The following ARSG variants were observed in gnomAD, a reference collection of about 807,000 sequenced individuals.
The protein encoded by ARSG is arylsulfatase G, also known as ASG.
A neutral mutation model predicts 50.5 loss-of-function variants in ARSG; 37 were observed. That is an observed-to-expected ratio of 0.73 (90% CI 0.56 to 0.96). The LOEUF is 0.96. Among genes scored for constraint, ARSG ranks in the 50% least tolerant of loss-of-function variants. The pLI, the probability that ARSG is intolerant of heterozygous loss-of-function variation, is 0.00. For synonymous variants in ARSG, 225 were observed against 254.6 expected (o/e 0.88, Z 1.11); for missense variants, 629 against 675.3 (o/e 0.93, Z 0.76).
At chr17:68,435,720 T>C in the ARSG span, 1 of 1,614,002 alleles carries the variant, frequency 6.2e-7, no homozygotes, top group Non-Finnish European at 8.5e-7. Context: ...TTTCTGTTGG[T>C]GAAAAGGAAA....
chr17:68,374,850 G>GAA (rs11406219), intron 8 of ARSG, among the ~76,000 whole-genome samples: 51 of 121,392 alleles, frequency 4.2e-4, no homozygotes, highest in Admixed American at 6.6e-4. Context: ...GTGAGACTCA[G>GAA]AAAAAAAAAA....
At chr17:68,286,615 C>G (rs553001457), upstream of ARSG, among the ~76,000 whole-genome samples, 2 of 152,182 alleles carry the variant, frequency 1.3e-5, no homozygotes, top group South Asian at 4.2e-4. Context: ...AGCGATTCTT[C>G]TGCCTCAGCC....
At chr17:68,426,251 G>GGGGGGGGGGGGGGA, downstream of ARSG, 2 of 825,460 alleles carry the variant, frequency 2.4e-6, no homozygotes, top group Non-Finnish European at 3.8e-6. Context: ...GTGGGGAGCG[G>GGGGGGGGGGGGGGA]GGGCTCAAAT....
intron 9 of ARSG, among the ~76,000 whole-genome samples, chr17:68,393,881 A>AAAAAAAT (rs1244325058): frequency 1.3e-5 from 2 of 150,898 alleles, no homozygotes; most frequent in African/African-American, 4.9e-5. Flanking sequence ...AAAAAAAAAA[A>AAAAAAAT]GGGAAAGAAA....
At chr17:68,365,454 T>C (rs2079502218) in intron 6 of ARSG, among the ~76,000 whole-genome samples, 1 of 152,212 alleles carries the variant, frequency 6.6e-6, no homozygotes, top group African/African-American at 2.4e-5. Context: ...TACACAGTCA[T>C]GAAATAACAA....
At chr17:68,339,261 G>A (rs968752207) in intron 2 of ARSG, among the ~76,000 whole-genome samples, 8 of 152,152 alleles carry the variant, frequency 5.3e-5, no homozygotes, top group African/African-American at 1.9e-4. Flanking sequence ...TCGCACCACT[G>A]CACTCCAGCC....
intron 1 of ARSG, among the ~76,000 whole-genome samples, chr17:68,305,288 C>T (rs1429683034): frequency 1.3e-5 from 2 of 152,182 alleles, no homozygotes; most frequent in Non-Finnish European, 2.9e-5. Flanking sequence ...TCTGATTTGT[C>T]GTTTTTATTT....
the ARSG span, among the ~76,000 whole-genome samples, chr17:68,430,559 T>G: frequency 1.3e-5 from 2 of 152,140 alleles, no homozygotes; most frequent in African/African-American, 4.8e-5. Context: ...CAGACAGATC[T>G]CAACGTGAAG....
At chr17:68,353,575 G>A (rs1309605405) in intron 5 of ARSG, among the ~76,000 whole-genome samples, 2 of 152,204 alleles carry the variant, frequency 1.3e-5, no homozygotes, top group Non-Finnish European at 2.9e-5. Flanking sequence ...CATGAAAAGC[G>A]AGGCTATAGA....
intron 6 of ARSG, among the ~76,000 whole-genome samples, chr17:68,362,186 C>G (rs967680097): frequency 3.9e-5 from 6 of 152,190 alleles, no homozygotes; most frequent in East Asian, 1.9e-4. Context: ...GTCTTCATTG[C>G]TGGCCCCCAT....
chr17:68,422,854 G>T (rs1346010380), downstream of ARSG: 2 of 150,888 alleles, frequency 1.3e-5, no homozygotes, highest in Non-Finnish European at 2.9e-5. Context: ...AGGTTGGCTT[G>T]TTCCTGAAAC....
In ARSG at chr17:68,378,415, A is replaced by G. The variant is rs537076333; in HGVS notation, c.983-6649A>G. ...CTTTCCTGGCCGAGCCGCCCAGCTC[A>G]GCTGATGGGATGAGGCAGCGTCTCC... On this transcript the variant is annotated intron_variant, in intron 8 of 11. Transcript: ENST00000621439. The surrounding 1 kb of genome is among the most constrained non-coding windows in gnomAD (Gnocchi z 4.4). Among the ~76,000 whole-genome samples the G allele has an allele frequency of 6.6e-6, 1 of 152,280 alleles. No homozygotes were observed. Among genetic ancestry groups the G allele is most frequent in the South Asian group, 2.1e-4 (1 of 4,824 alleles).
intron 6 of ARSG, among the ~76,000 whole-genome samples, chr17:68,359,991 G>A (rs1378880837): frequency 6.6e-6 from 1 of 152,220 alleles, no homozygotes; most frequent in Middle Eastern, 3.2e-3. Context: ...TTCAAGGCTA[G>A]TGGGGACAGT....
intron 9 of ARSG, among the ~76,000 whole-genome samples, chr17:68,388,575 A>G (rs116019015): frequency 1.3e-4 from 20 of 152,104 alleles, no homozygotes; most frequent in Admixed American, 5.9e-4. Context: ...TCAGAGATGA[A>G]CTGGGGCAAT....
At chr17:68,292,179 C>T (rs2076030934) in intron 1 of ARSG, among the ~76,000 whole-genome samples, 1 of 152,048 alleles carries the variant, frequency 6.6e-6, no homozygotes, top group Non-Finnish European at 1.5e-5. Context: ...ATCCGCGTTG[C>T]GCGAAAGGAA....
chr17:68,385,040 C>A, intron 8 of ARSG, 24 bp from the exon 9 acceptor site: 2 of 1,597,648 alleles, frequency 1.3e-6, no homozygotes, highest in Non-Finnish European at 1.7e-6. Flanking sequence ...ATGGATGAAC[C>A]AGCTGCCTCC....
At position 68,367,039 on chromosome 17, in the gene ARSG, G is replaced by A. The variant is rs1837977257; in HGVS notation, c.705-1509G>A. Among the ~76,000 whole-genome samples the A allele has an allele frequency of 2.6e-5, 4 of 152,110 alleles. No individual in the cohort carries two copies. In the South Asian group the frequency reaches 8.3e-4, roughly 32 times the overall value. On this transcript the variant is annotated intron_variant, in intron 6 of 11. Coordinates refer to ENST00000621439, the MANE Select transcript of ARSG (RefSeq NM_001267727.2). The surrounding 1 kb of genome is among the most constrained non-coding windows in gnomAD (Gnocchi z 4.5). Reference sequence around the variant, plus strand: ...ATTTCACTTAGCATAATATTTTCCGGGTCCACCCATGTGCTAGCGTGTGGG... The same window carrying A: ...ATTTCACTTAGCATAATATTTTCCGAGTCCACCCATGTGCTAGCGTGTGGG...
chr17:68,317,202 C>T (rs555076597), intron 2 of ARSG, among the ~76,000 whole-genome samples: 2 of 152,166 alleles, frequency 1.3e-5, no homozygotes, highest in South Asian at 4.2e-4. Flanking sequence ...ATTTTGGTAT[C>T]CCTTTTCAGA....
At chr17:68,281,033 C>T (rs138948366) in intron 1 of ARSG, among the ~76,000 whole-genome samples, 20 of 150,120 alleles carry the variant, frequency 1.3e-4, no homozygotes, top group African/African-American at 4.4e-4. Flanking sequence ...GGCTGAGGGA[C>T]GAGGATTGCT....
Sources: gnomAD v4.1 joint callset for allele counts (sites outside exome capture counted in the v4.1 genomes callset) on GRCh38, gnomAD v4.1.1 for gene constraint, Gnocchi (gnomAD v3.1) non-coding constraint, MANE v1.5 for transcripts, NCBI Gene and HGNC (gene_info 2026-07-23, HGNC 2026-07-21) for gene names.